The following CHIC2 variants were observed in gnomAD, a reference collection of about 807,000 sequenced individuals.
The protein encoded by CHIC2 is cysteine-rich hydrophobic domain-containing protein 2.
CHIC2 carries 14 observed loss-of-function variants against 25.9 expected under a neutral mutation model. The observed-to-expected ratio is 0.54, with a 90% CI of 0.36 to 0.85. The LOEUF (loss-of-function observed/expected upper bound fraction) is 0.85, where lower values mean the gene tolerates loss of function less well. Among genes scored for constraint, CHIC2 ranks in the 40% least tolerant of loss-of-function variants. The pLI is 0.01. For synonymous variants in CHIC2, 70 were observed against 72.0 expected (o/e 0.97, Z 0.14); for missense variants, 146 against 202.0 (o/e 0.72, Z 1.68).
intron 3 of CHIC2, among the ~76,000 whole-genome samples, chr4:54,037,463 C>G (rs1261204735): frequency 6.6e-6 from 1 of 152,150 alleles, no homozygotes; most frequent in Non-Finnish European, 1.5e-5. Flanking sequence ...TGCCAGAAAG[C>G]AGATCAGCAC....
chr4:54,090,321 G>A, the CHIC2 span, among the ~76,000 whole-genome samples: 1 of 151,966 alleles, frequency 6.6e-6, no homozygotes, highest in Non-Finnish European at 1.5e-5. Flanking sequence ...AAGTAGCTGC[G>A]GCTACAGGCG....
At chr4:54,062,245 T>C (rs1717356901) in intron 1 of CHIC2, among the ~76,000 whole-genome samples, 1 of 152,188 alleles carries the variant, frequency 6.6e-6, no homozygotes, top group Non-Finnish European at 1.5e-5. Context: ...TAGAAAGGCA[T>C]ACTGTTTATT....
chr4:54,053,386 A>T (rs1717067116), intron 1 of CHIC2, among the ~76,000 whole-genome samples: 1 of 152,046 alleles, frequency 6.6e-6, no homozygotes, highest in Non-Finnish European at 1.5e-5. Context: ...GTGAAACCCC[A>T]TCACTACTAA....
At chr4:54,062,536 A>G (rs892507632) in intron 1 of CHIC2, among the ~76,000 whole-genome samples, 1 of 152,178 alleles carries the variant, frequency 6.6e-6, no homozygotes, top group Non-Finnish European at 1.5e-5. Flanking sequence ...GCCAACTACA[A>G]TCAAGTTTAC....
the CHIC2 span, among the ~76,000 whole-genome samples, chr4:54,078,476 T>A: frequency 1.3e-5 from 2 of 152,188 alleles, no homozygotes; most frequent in Admixed American, 1.3e-4. Context: ...GGCCTTTCAT[T>A]TTTCTGTCAT....
intron 1 of CHIC2, 40 bp from the exon 2 acceptor site, chr4:54,049,345 T>C (rs947934549): frequency 7.4e-7 from 1 of 1,352,340 alleles, no homozygotes; most frequent in African/African-American, 1.5e-5. Context: ...TTACATGTTA[T>C]TGTTGCCAAA....
intron 3 of CHIC2, among the ~76,000 whole-genome samples, chr4:54,035,107 CTTTCT>C (rs1349529437): frequency 2.6e-5 from 4 of 152,010 alleles, no homozygotes; most frequent in Non-Finnish European, 5.9e-5. Flanking sequence ...CCATGTGTGT[CTTTCT>C]TTTCATGTTT....
chr4:54,038,519 G>C (rs1716462772), intron 3 of CHIC2, among the ~76,000 whole-genome samples: 2 of 152,112 alleles, frequency 1.3e-5, no homozygotes, highest in South Asian at 4.1e-4. Flanking sequence ...TTGGTTTAGA[G>C]GACTTAATAT....
the CHIC2 span, among the ~76,000 whole-genome samples, chr4:54,084,959 C>CAAAAAAAAAAAAGAAAAAAAA: frequency 1.7e-5 from 1 of 58,922 alleles, no homozygotes; most frequent in Non-Finnish European, 3.2e-5. Context: ...TGCTCTGTCT[C>CAAAAAAAAAAAAGAAAAAAAA]AAAAAAAAAA....
Position 54,064,204 on chromosome 4 carries a change from G to A in CHIC2, c.97C>T (p.Arg33Cys). The A allele has an allele frequency of 6.2e-7, 1 of 1,605,292 alleles. No individual in the cohort carries two copies. Among genetic ancestry groups the A allele is most frequent in the Non-Finnish European group, 8.5e-7 (1 of 1,176,086 alleles). ...TACACGGTGACGTGACCGGAGCCGC[G>A]GACGACCACCGGGTCCGGCGAGTAC... ...LKYSPDPVVV[R>C]GSGHVTVFGL... is the part of the protein sequence containing the mutation. The change falls in exon 1 of 6, where the codon CGC becomes TGC. Residue 33 changes from arginine (R) to cysteine (C), a missense_variant. Coordinates refer to ENST00000263921, the MANE Select transcript of CHIC2 (RefSeq NM_012110.4). The surrounding 1 kb of genome is among the most constrained non-coding windows in gnomAD (Gnocchi z 4.2).
At chr4:54,045,380 C>T (rs1220248800) in intron 3 of CHIC2, among the ~76,000 whole-genome samples, 11 of 152,086 alleles carry the variant, frequency 7.2e-5, no homozygotes, top group African/African-American at 2.4e-4. Context: ...CCTTGATGAA[C>T]AGTGATGCAA....
upstream of CHIC2, among the ~76,000 whole-genome samples, chr4:54,069,569 G>A (rs1035177409): frequency 3.3e-5 from 5 of 152,338 alleles, no homozygotes; most frequent in South Asian, 6.2e-4. Context: ...AGGCATGATT[G>A]ATTACACCGC....
At chr4:54,015,561 G>A (rs1421834881) in intron 3 of CHIC2, among the ~76,000 whole-genome samples, 2 of 152,076 alleles carry the variant, frequency 1.3e-5, no homozygotes, top group Non-Finnish European at 1.5e-5. Flanking sequence ...TTTGTCCCTT[G>A]TCTAGCCCCC....
At chr4:54,081,459 T>C in the CHIC2 span, among the ~76,000 whole-genome samples, 1,918 of 152,168 alleles carry the variant, frequency 0.013, 18 homozygotes, top group Non-Finnish European at 0.021. Flanking sequence ...ATTCTCATCA[T>C]CTAAGATACT....
chr4:54,026,071 T>C (rs1485088824), intron 3 of CHIC2, among the ~76,000 whole-genome samples: 1 of 152,132 alleles, frequency 6.6e-6, no homozygotes, highest in Non-Finnish European at 1.5e-5. Flanking sequence ...TGGACTACTT[T>C]CTTTTTACAT....
At chr4:54,037,791 CA>C (rs1474846050) in intron 3 of CHIC2, among the ~76,000 whole-genome samples, 3 of 152,064 alleles carry the variant, frequency 2.0e-5, no homozygotes, top group Non-Finnish European at 4.4e-5. Flanking sequence ...GGAGGTTAAA[CA>C]AACTTCTTGA....
At chr4:54,017,499 G>T (rs571009035) in intron 3 of CHIC2, among the ~76,000 whole-genome samples, 2 of 152,264 alleles carry the variant, frequency 1.3e-5, no homozygotes, top group East Asian at 3.9e-4. Context: ...GGCAGTGCAG[G>T]CTTTAGTGTA....
chr4:54,045,169 T>C (rs1716743606), intron 3 of CHIC2, among the ~76,000 whole-genome samples: 1 of 151,854 alleles, frequency 6.6e-6, no homozygotes, highest in Non-Finnish European at 1.5e-5. Context: ...AGCTTACCAA[T>C]CAAAAAAAGT....
upstream of CHIC2, chr4:54,064,828 G>GC (rs532180386): frequency 1.3e-4 from 28 of 214,486 alleles, 1 homozygote; most frequent in East Asian, 4.2e-3. The surrounding 1 kb of genome is among the most constrained non-coding windows in gnomAD (Gnocchi z 4.2). Flanking sequence ...CCGCCGGCGG[G>GC]CCCCCCTCCG....
Sources: gnomAD v4.1 joint callset for allele counts (sites outside exome capture counted in the v4.1 genomes callset) on GRCh38, gnomAD v4.1.1 for gene constraint, Gnocchi (gnomAD v3.1) non-coding constraint, MANE v1.5 for transcripts, NCBI Gene and HGNC (gene_info 2026-07-23, HGNC 2026-07-21) for gene names.